CHD2: variants seen among roughly 807,000 people sequenced by gnomAD.
CHD2 encodes ATP-dependent chromatin remodeler CHD2.
Under a neutral mutation model 243.9 loss-of-function variants are expected in CHD2, and 28 were observed. The ratio of observed to expected loss-of-function variants is 0.11; its 90% CI spans 0.09 to 0.16. The LOEUF (loss-of-function observed/expected upper bound fraction) is 0.16. Among genes scored for constraint, CHD2 ranks in the 10% least tolerant of loss-of-function variants. CHD2 has a pLI of 1.00. For synonymous variants in CHD2, 775 were observed against 779.0 expected (o/e 0.99, Z 0.09); for missense variants, 1,386 against 2,209.8 (o/e 0.63, Z 7.47).
chr15:92,972,436 T>C lies in CHD2; in HGVS notation c.2505+19T>C, dbSNP rs1057521420. On this transcript the variant is annotated intron_variant, in intron 19 of 38. Coordinates refer to ENST00000394196, the MANE Select transcript of CHD2 (RefSeq NM_001271.4). ...TTTCCAGGTAAGGTGATTTCAGTAA[T>C]TGCTGTGGGGGGAATCAATCTCTCT... is the stretch of plus-strand genomic sequence containing the variant. 1 of 1,575,302 alleles carries C rather than the reference T, an allele frequency of 6.3e-7. No homozygotes were observed. Among genetic ancestry groups the C allele is most frequent in the African/African-American group, 1.4e-5 (1 of 72,666 alleles).
intron 16 of CHD2, among the ~76,000 whole-genome samples, chr15:92,957,914 A>G (rs2053637014): frequency 6.6e-6 from 1 of 152,102 alleles, no homozygotes; most frequent in Non-Finnish European, 1.5e-5. Context: ...GTGGAATCCT[A>G]ATATGTAGGC....
In CHD2 at chr15:93,027,995, A is replaced by G. The variant is rs2054599250; in HGVS notation, c.*3290A>G. 1 of 152,602 alleles carries G rather than the reference A, an allele frequency of 6.6e-6. No individual in the cohort carries two copies. Among genetic ancestry groups the G allele is most frequent in the African/African-American group, 2.4e-5 (1 of 41,440 alleles). The allele number at this position is 152,602 out of a possible 1,614,324, so 9.5% of individuals were successfully genotyped here. On this transcript the variant is annotated 3_prime_UTR_variant, in exon 39 of 39. Coordinates refer to ENST00000394196, the MANE Select transcript of CHD2 (RefSeq NM_001271.4). ...AAAAAGTGTTACTGAGCATTTTTAGAATTGGGCTAACACGTTGCATTGCAT... is the reference window on the plus strand; with the variant it reads ...AAAAAGTGTTACTGAGCATTTTTAGGATTGGGCTAACACGTTGCATTGCAT...
chr15:93,004,041 T>C (rs1350525425), intron 33 of CHD2, among the ~76,000 whole-genome samples: 2 of 151,508 alleles, frequency 1.3e-5, no homozygotes, highest in Non-Finnish European at 2.9e-5. Context: ...GAAGAATCTC[T>C]TGAACCCAGG....
intron 4 of CHD2, among the ~76,000 whole-genome samples, chr15:92,927,761 T>G (rs2053089967): frequency 6.6e-6 from 1 of 152,232 alleles, no homozygotes; most frequent in South Asian, 2.1e-4. Flanking sequence ...GAGTGCTTAA[T>G]TAATGTATCT....
chr15:92,970,515 A>G (rs1214091238), intron 17 of CHD2, among the ~76,000 whole-genome samples: 1 of 152,060 alleles, frequency 6.6e-6, no homozygotes, highest in Non-Finnish European at 1.5e-5. Context: ...AATTATTATT[A>G]TTTTTTAACA....
At chr15:92,919,006 A>G (rs2052900064) in intron 2 of CHD2, among the ~76,000 whole-genome samples, 1 of 151,820 alleles carries the variant, frequency 6.6e-6, no homozygotes, top group Admixed American at 6.6e-5. Context: ...TTACAGGTGC[A>G]TGCCACCATA....
At chr15:93,021,778 T>C (rs1203522171) in intron 38 of CHD2, 1 of 152,258 alleles carries the variant, frequency 6.6e-6, no homozygotes, top group Non-Finnish European at 1.5e-5. Context: ...ATGGTTTTGA[T>C]GTCCTTGTCT....
At chr15:92,933,843 C>G (rs1158671254) in intron 5 of CHD2, among the ~76,000 whole-genome samples, 1 of 152,190 alleles carries the variant, frequency 6.6e-6, no homozygotes, top group Non-Finnish European at 1.5e-5. Context: ...TTGGTTCAAG[C>G]CATCCTCCCA....
intron 33 of CHD2, 147 bp downstream of exon 33, chr15:93,002,464 T>G: frequency 7.7e-7 from 1 of 1,297,652 alleles, no homozygotes; most frequent in Non-Finnish European, 1.0e-6. Flanking sequence ...GTTGATGGGA[T>G]ACCTGCACCT....
At chr15:92,904,467 CT>C (rs765248725) in intron 2 of CHD2, 82 of 989,468 alleles carry the variant, frequency 8.3e-5, no homozygotes, top group Admixed American at 3.7e-4. Flanking sequence ...TCTCCTCCCC[CT>C]ACCCAGGGAG....
chr15:92,976,280 A>C (rs1161171224), intron 20 of CHD2, among the ~76,000 whole-genome samples: 2 of 152,352 alleles, frequency 1.3e-5, no homozygotes, highest in East Asian at 3.9e-4. Context: ...CCATTTCTGC[A>C]GTATTTTAAA....
In CHD2 at chr15:92,997,295, A is replaced by G; in HGVS notation, c.3777A>G (p.Val1259=). The change falls in exon 30 of 39, where the codon GTA becomes GTG. Residue 1259 remains valine, a synonymous_variant. Transcript: ENST00000394196. The surrounding 1 kb of genome is among the most constrained non-coding windows in gnomAD (Gnocchi z 4.1). Reference sequence around the variant, plus strand: ...GTGTCAAAGCTGCACATTTTGATGTAGAGTGGGGGGTGGAAGATGATTCTC... The same window carrying G: ...GTGTCAAAGCTGCACATTTTGATGTGGAGTGGGGGGTGGAAGATGATTCTC... ...TCRVKAAHFD[V]EWGVEDDSRL... is the part of the protein sequence containing the mutation. 2 of 1,614,062 alleles carry G rather than the reference A, an allele frequency of 1.2e-6. No homozygotes were observed. Among genetic ancestry groups the G allele is most frequent in the Non-Finnish European group, 1.7e-6 (2 of 1,179,996 alleles).
At position 92,992,846 on chromosome 15, in the gene CHD2, T is replaced by C. The variant is rs1308933776; in HGVS notation, c.3456-13T>C. 6.2e-7 allele frequency: 1 copy of C among 1,611,916 alleles called. No homozygotes were observed. The highest frequency in any genetic ancestry group is 8.5e-7 in the Non-Finnish European group (1 of 1,179,950). ...CAGGGTCCTAAAGTGTCCCCATATTTGTTCCTCCTCAGGCTGGAGTGCATA... is the reference window on the plus strand; with the variant it reads ...CAGGGTCCTAAAGTGTCCCCATATTCGTTCCTCCTCAGGCTGGAGTGCATA... On this transcript the variant is annotated splice_polypyrimidine_tract_variant and intron_variant, in intron 27 of 38. Transcript: ENST00000394196.
At position 92,972,423 on chromosome 15, in the gene CHD2, G is replaced by A; in HGVS notation, c.2505+6G>A. On this transcript the variant is annotated splice_donor_region_variant and intron_variant, in intron 19 of 38. Coordinates refer to ENST00000394196, the MANE Select transcript of CHD2 (RefSeq NM_001271.4). ...TTAAACACTATCCTTTCCAGGTAAG[G>A]TGATTTCAGTAATTGCTGTGGGGGG... The A allele has an allele frequency of 3.2e-6, 5 of 1,580,794 alleles. No individual in the cohort carries two copies. The highest frequency in any genetic ancestry group is 4.3e-6 in the Non-Finnish European group (5 of 1,166,020).
intron 5 of CHD2, among the ~76,000 whole-genome samples, chr15:92,933,379 G>C (rs985021173): frequency 6.6e-6 from 1 of 152,178 alleles, no homozygotes; most frequent in African/African-American, 2.4e-5. Flanking sequence ...GATGGACCAG[G>C]AGTTCTCCAT....
rs150593366 is a variant in CHD2 at position 92,904,512 on chromosome 15, G to C, written c.62+3213G>C. 4.1e-5 allele frequency: 41 copies of C among 995,506 alleles called. 1 individual carries two copies. In the East Asian group the frequency reaches 4.1e-3, roughly 99 times the overall value. The allele number at this position is 995,506 out of a possible 1,614,324, so 61.7% of individuals were successfully genotyped here. A position where few individuals can be genotyped will look rare whatever the true frequency, so the allele number is the denominator to read the frequency against. ...CGAGGGGAAAAGGAAGGGAACTCTA[G>C]TTGGGACTTTCCGGTGGGCGGCTTC... On this transcript the variant is annotated intron_variant, in intron 2 of 38. Coordinates refer to ENST00000394196, the MANE Select transcript of CHD2 (RefSeq NM_001271.4).
chr15:92,946,479 TTTATTTTATTTTA>T (rs1333455306), intron 12 of CHD2: 2 of 249,042 alleles, frequency 8.0e-6, no homozygotes, highest in Non-Finnish European at 1.5e-5. Context: ...GCACTTTTAT[TTTATTTTATTTTA>T]TTATTTTATT....
chr15:92,996,910 A>G, intron 28 of CHD2, 47 bp from the exon 29 acceptor site: 2 of 1,573,156 alleles, frequency 1.3e-6, no homozygotes, highest in Non-Finnish European at 1.7e-6. Context: ...TTTCTGTGGA[A>G]CTTCTGCAGA....
intron 38 of CHD2, chr15:93,020,542 A>G (rs918284021): frequency 1.5e-5 from 9 of 586,456 alleles, no homozygotes; most frequent in Middle Eastern, 4.5e-4. Context: ...AACCAAAATT[A>G]TTAAGCTCTG....
Sources: allele counts gnomAD v4.1 joint callset (sites outside exome capture counted in the v4.1 genomes callset), GRCh38; gene constraint gnomAD v4.1.1; non-coding constraint Gnocchi (gnomAD v3.1); transcripts MANE v1.5; gene names NCBI Gene and HGNC (gene_info 2026-07-23, HGNC 2026-07-21).